Variants in GAB2 observed in about 807,000 individuals in gnomAD.
The protein encoded by GAB2 is GRB2 associated binding protein 2.
GAB2 carries 26 observed loss-of-function variants against 65.5 expected under a neutral mutation model. The observed-to-expected ratio is 0.40, with a 90% CI of 0.29 to 0.55. GAB2 has a LOEUF of 0.55. Ranked by LOEUF, GAB2 falls within the 20% of genes least tolerant of loss-of-function variation. The probability of loss-of-function intolerance (pLI) is 0.53; values close to 1 mark genes in which losing one functional copy is unlikely to be tolerated. For synonymous variants in GAB2, 321 were observed against 329.6 expected (o/e 0.97, Z 0.28); for missense variants, 884 against 875.8 (o/e 1.01, Z -0.12).
chr11:78,240,670 T>C (rs933567110), intron 3 of GAB2, among the ~76,000 whole-genome samples: 6 of 152,292 alleles, frequency 3.9e-5, no homozygotes, highest in South Asian at 2.1e-4. Flanking sequence ...CAAGTTGCCA[T>C]TGAGCCTTAT....
chr11:78,294,426 T>A (rs926884774), intron 1 of GAB2, among the ~76,000 whole-genome samples: 15 of 152,204 alleles, frequency 9.9e-5, no homozygotes, highest in Non-Finnish European at 2.2e-4. Flanking sequence ...TTTGGGTATA[T>A]ACCCAGTAAT....
rs1418811084 is a variant in GAB2, at chr11:78,254,113, C to CA, written c.377-3714dup. Among the ~76,000 whole-genome samples the CA allele has an allele frequency of 4.6e-5, 7 of 152,278 alleles. 1 individual carries two copies. In the East Asian group the frequency reaches 1.4e-3, roughly 29 times the overall value. On this transcript the variant is annotated intron_variant, in intron 2 of 9. Coordinates refer to ENST00000361507, the MANE Select transcript of GAB2 (RefSeq NM_080491.3). ...TACTTGGGGAAGTCACTTCACCTCT[C>CA]AGAGTCTCAGTCTCCTTATTTACAA...
At chr11:78,334,294 A>G (rs1489940067) in intron 1 of GAB2, among the ~76,000 whole-genome samples, 1 of 152,308 alleles carries the variant, frequency 6.6e-6, no homozygotes, top group East Asian at 1.9e-4. Context: ...TGTACAAATA[A>G]ATTATTATTG....
At chr11:78,233,474 T>G (rs1193635378) in intron 3 of GAB2, among the ~76,000 whole-genome samples, 2 of 152,256 alleles carry the variant, frequency 1.3e-5, no homozygotes, top group Non-Finnish European at 2.9e-5. Flanking sequence ...TTGAAGAATC[T>G]ATTCACATTT....
chr11:78,270,983 G>C (rs565853808), intron 2 of GAB2, among the ~76,000 whole-genome samples: 1 of 152,262 alleles, frequency 6.6e-6, no homozygotes, highest in Non-Finnish European at 1.5e-5. Flanking sequence ...CGGAGTCCCT[G>C]TGATAGTGGC....
At chr11:78,248,055 A>G (rs1187903670) in intron 3 of GAB2, among the ~76,000 whole-genome samples, 1 of 152,192 alleles carries the variant, frequency 6.6e-6, no homozygotes, top group Non-Finnish European at 1.5e-5. Flanking sequence ...TCAAATTATT[A>G]TGCACCTACT....
chr11:78,298,778 G>C (rs1649584360), intron 1 of GAB2, among the ~76,000 whole-genome samples: 1 of 152,156 alleles, frequency 6.6e-6, no homozygotes, highest in African/African-American at 2.4e-5. Flanking sequence ...GGCAAAGCTG[G>C]GGGAAGAGTA....
chr11:78,348,440 T>C lies in GAB2; in HGVS notation c.76-67539A>G, dbSNP rs138987380. On this transcript the variant is annotated intron_variant, in intron 1 of 9. Transcript: ENST00000361507. ...TAAATGGGCAAAAGATTTGAACAGA[T>C]ACTAGACAAAAGAAGATAGTATACA... 2.2e-3 allele frequency among the ~76,000 whole-genome samples: 331 copies of C among 152,330 alleles called. 1 individual carries two copies. Among genetic ancestry groups the C allele is most frequent in the African/African-American group, 7.0e-3 (292 of 41,572 alleles).
At chr11:78,413,855 G>A (rs1010047406) in intron 1 of GAB2, among the ~76,000 whole-genome samples, 6 of 152,108 alleles carry the variant, frequency 3.9e-5, no homozygotes, top group Non-Finnish European at 7.4e-5. Flanking sequence ...GTGGGAGGCC[G>A]AGGCGGGTGG....
At chr11:78,253,046 T>C (rs1865501115) in intron 2 of GAB2, among the ~76,000 whole-genome samples, 1 of 144,410 alleles carries the variant, frequency 6.9e-6, no homozygotes, top group Admixed American at 7.1e-5. Flanking sequence ...AGTCTCGCTC[T>C]GTCATCCAGG....
intron 2 of GAB2, among the ~76,000 whole-genome samples, chr11:78,253,993 TGA>T (rs1865529142): frequency 6.6e-6 from 1 of 152,164 alleles, no homozygotes; most frequent in Non-Finnish European, 1.5e-5. Flanking sequence ...GCTGTGAGTA[TGA>T]ATAAAAGAGG....
chr11:78,254,388 G>A (rs1865538816), intron 2 of GAB2, among the ~76,000 whole-genome samples: 1 of 152,160 alleles, frequency 6.6e-6, no homozygotes, highest in Non-Finnish European at 1.5e-5. Flanking sequence ...AGGTTTTAAG[G>A]TCTGTTAAGA....
intron 1 of GAB2, among the ~76,000 whole-genome samples, chr11:78,300,182 T>C (rs529699403): frequency 2.6e-5 from 4 of 152,290 alleles, no homozygotes; most frequent in African/African-American, 9.6e-5. Flanking sequence ...TTGTCTTTTC[T>C]AGAACATCAC....
At chr11:78,346,700 T>C (rs1416050081) in intron 1 of GAB2, among the ~76,000 whole-genome samples, 12 of 94,986 alleles carry the variant, frequency 1.3e-4, no homozygotes, top group African/African-American at 5.0e-4. Context: ...TATATATATA[T>C]ATATATATAT....
At chr11:78,353,169 G>C (rs370397441) in intron 1 of GAB2, among the ~76,000 whole-genome samples, 2 of 152,150 alleles carry the variant, frequency 1.3e-5, no homozygotes, top group African/African-American at 4.8e-5. Flanking sequence ...AGCCAGGAGT[G>C]GTGGCATGCA....
chr11:78,332,836 A>G (rs1855937912), intron 1 of GAB2, among the ~76,000 whole-genome samples: 1 of 152,250 alleles, frequency 6.6e-6, no homozygotes, highest in Non-Finnish European at 1.5e-5. Flanking sequence ...AAGCAGGCAC[A>G]TGGAGTTCCC....
At chr11:78,260,340 G>A (rs1005017351) in intron 2 of GAB2, among the ~76,000 whole-genome samples, 2 of 152,212 alleles carry the variant, frequency 1.3e-5, no homozygotes, top group South Asian at 2.1e-4. Context: ...GAAAGAGAGC[G>A]AGTGACTGTA....
intron 1 of GAB2, among the ~76,000 whole-genome samples, chr11:78,356,326 A>G (rs1257722908): frequency 6.6e-6 from 1 of 152,214 alleles, no homozygotes; most frequent in Non-Finnish European, 1.5e-5. Flanking sequence ...GTGAGAGGTT[A>G]GTACTAACAA....
chr11:78,297,086 G>C (rs950784103), intron 1 of GAB2, among the ~76,000 whole-genome samples: 1 of 152,176 alleles, frequency 6.6e-6, no homozygotes, highest in African/African-American at 2.4e-5. Flanking sequence ...TCCATACATG[G>C]TGAGTATTGA....
Sources: allele counts gnomAD v4.1 joint callset (sites outside exome capture counted in the v4.1 genomes callset), GRCh38; gene constraint gnomAD v4.1.1; transcripts MANE v1.5; gene names NCBI Gene and HGNC (gene_info 2026-07-23, HGNC 2026-07-21).